The following NSD3 variants were observed in gnomAD, a reference collection of about 807,000 sequenced individuals.
NSD3 encodes the protein nuclear receptor binding SET domain protein 3, also known as histone-lysine N-methyltransferase NSD3.
NSD3 carries 24 observed loss-of-function variants against 160.8 expected under a neutral mutation model. The ratio of observed to expected loss-of-function variants is 0.15; its 90% CI spans 0.11 to 0.21. The LOEUF is 0.21. Among genes scored for constraint, NSD3 ranks in the 10% least tolerant of loss-of-function variants. The pLI, the probability that NSD3 is intolerant of heterozygous loss-of-function variation, is 1.00. For synonymous variants in NSD3, 520 were observed against 600.0 expected (o/e 0.87, Z 1.95); for missense variants, 1,157 against 1,735.9 (o/e 0.67, Z 5.93).
At position 38,269,904 on chromosome 8, in the gene NSD3, C is replaced by A. The variant is rs1244038593; in HGVS notation, c.*5737G>T. 2 of 152,144 alleles carry A rather than the reference C, an allele frequency of 1.3e-5. No homozygotes were observed. Among genetic ancestry groups the A allele is most frequent in the East Asian group, 3.9e-4 (2 of 5,192 alleles). The allele number at this position is 152,144 out of a possible 1,614,324, so 9.4% of individuals were successfully genotyped here. ...TATATGTTCCTACCAGCACACACATCAGTAAAGAAGCTTAAATATTACAGG... is the reference window on the plus strand; with the variant it reads ...TATATGTTCCTACCAGCACACACATAAGTAAAGAAGCTTAAATATTACAGG... On this transcript the variant is annotated 3_prime_UTR_variant, in exon 24 of 24. Transcript: ENST00000317025.
intron 12 of NSD3, 113 bp from the exon 13 acceptor site, chr8:38,305,558 TAAGAA>T: frequency 1.1e-6 from 1 of 908,570 alleles, no homozygotes; most frequent in Non-Finnish European, 1.6e-6. Flanking sequence ...TTACTATACT[TAAGAA>T]TTTAATGCAC....
rs775126556 is a variant in NSD3, at chr8:38,314,705, C to A, written c.2184G>T (p.Glu728Asp). Residue 728 changes from glutamate (E) to aspartate (D), a missense_variant, in exon 12 of 24, where the codon GAG becomes GAT. This residue lies in a region of NSD3 where 437 missense variants were observed against 576.6 expected (regional missense o/e 0.76). Coordinates refer to ENST00000317025, the MANE Select transcript of NSD3 (RefSeq NM_023034.2). ...CAGGAAGTGATGCCAATCCCAGGCA[C>A]TCCAGGTGAAAGTGTTTGCAGCACT... ...EGECCKHFHLECLGLASLPDS... is the reference protein window; with the variant it reads ...EGECCKHFHLDCLGLASLPDS... 1 of 1,614,234 alleles carries A rather than the reference C, an allele frequency of 6.2e-7. No individual in the cohort carries two copies. Among genetic ancestry groups the A allele is most frequent in the South Asian group, 1.1e-5 (1 of 91,084 alleles).
In NSD3 at chr8:38,317,649, T is replaced by C. The variant is rs1303674075; in HGVS notation, c.1855+1246A>G. On this transcript the variant is annotated intron_variant, in intron 9 of 23. Coordinates refer to ENST00000317025, the MANE Select transcript of NSD3 (RefSeq NM_023034.2). This position sits in a 1 kb window ranked among gnomAD's most constrained non-coding sequence, Gnocchi z 5.3. ...CTGCAGATGTGCATTAATGATGCTT[T>C]ATTTAAAAACAAAAAACCAAAAACA... 1 of 1,201,368 alleles carries C rather than the reference T, an allele frequency of 8.3e-7. No homozygotes were observed. Among genetic ancestry groups the C allele is most frequent in the Non-Finnish European group, 1.0e-6 (1 of 961,746 alleles). 74.4% of individuals were successfully genotyped at this position (1,201,368 alleles called of 1,614,324 possible).
At chr8:38,279,977 A>G (rs1808694920) in intron 20 of NSD3, 2 of 255,712 alleles carry the variant, frequency 7.8e-6, no homozygotes, top group Non-Finnish European at 1.5e-5. Context: ...GAGGTTTAGG[A>G]ATGGTATTTT....
In NSD3 at chr8:38,319,203, T is replaced by G; in HGVS notation, c.1810-263A>C. The G allele has an allele frequency of 2.6e-6, 1 of 379,462 alleles. No individual in the cohort carries two copies. Among genetic ancestry groups the G allele is most frequent in the South Asian group, 5.3e-5 (1 of 19,038 alleles). The allele number at this position is 379,462 out of a possible 1,614,324, so 23.5% of individuals were successfully genotyped here. On this transcript the variant is annotated intron_variant, in intron 8 of 23. Transcript: ENST00000317025. The surrounding 1 kb of genome is among the most constrained non-coding windows in gnomAD (Gnocchi z 4.1). ...GACTTTTCCCACCATTCCCTTGGTA[T>G]ATGAAGAGAACAAGAATACTTTCCT...
At chr8:38,277,425 G>A (rs867184381) in intron 22 of NSD3, among the ~76,000 whole-genome samples, 3 of 152,040 alleles carry the variant, frequency 2.0e-5, no homozygotes, top group East Asian at 3.9e-4. Flanking sequence ...TTACAGGTGC[G>A]TGCCACCACG....
intron 1 of NSD3, among the ~76,000 whole-genome samples, chr8:38,369,652 T>TAAA (rs1298640092): frequency 6.6e-6 from 1 of 152,220 alleles, no homozygotes; most frequent in Non-Finnish European, 1.5e-5. Context: ...TGAATCCCTG[T>TAAA]AACTCCAAGA....
intron 14 of NSD3, among the ~76,000 whole-genome samples, chr8:38,300,107 G>A (rs1437483180): frequency 2.6e-5 from 4 of 151,786 alleles, no homozygotes; most frequent in African/African-American, 9.7e-5. Context: ...AACTTTCTCT[G>A]CCAGATAATG....
intron 1 of NSD3, among the ~76,000 whole-genome samples, chr8:38,363,233 T>C (rs1182413682): frequency 6.6e-6 from 1 of 152,204 alleles, no homozygotes; most frequent in African/African-American, 2.4e-5. Context: ...AATGCTGCAA[T>C]GGAGAGATTA....
Position 38,318,805 on chromosome 8 carries a change from GAGAC to G in NSD3, c.1855+86_1855+89del. The G allele has an allele frequency of 1.6e-6, 2 of 1,278,768 alleles. No homozygotes were observed. The highest frequency in any genetic ancestry group is 2.3e-6 in the Non-Finnish European group (2 of 886,390). 79.2% of individuals were successfully genotyped at this position (1,278,768 alleles called of 1,614,324 possible). ...CACTGAAGAGCAACAACGATTTACA[GAGAC>G]AGACAAAAATACATGAAGTACAAAT... On this transcript the variant is annotated intron_variant, in intron 9 of 23. Transcript: ENST00000317025. This position sits in a 1 kb window ranked among gnomAD's most constrained non-coding sequence, Gnocchi z 5.3.
Position 38,319,071 on chromosome 8 carries a change from C to T in NSD3, c.1810-131G>A. The T allele has an allele frequency of 2.4e-6, 2 of 834,758 alleles. No individual in the cohort carries two copies. The highest frequency in any genetic ancestry group is 3.6e-5 in the South Asian group (2 of 56,102). The allele number at this position is 834,758 out of a possible 1,614,324, so 51.7% of individuals were successfully genotyped here. ...ATGTATCTGAAATCTGAACTCAGTC[C>T]CATCTTTTGGGTAAAGTTCTCTGTC... is the stretch of plus-strand genomic sequence containing the variant. On this transcript the variant is annotated intron_variant, in intron 8 of 23. Transcript: ENST00000317025. The surrounding 1 kb of genome is among the most constrained non-coding windows in gnomAD (Gnocchi z 4.1).
At chr8:38,324,273 A>T (rs1028686636) in intron 7 of NSD3, among the ~76,000 whole-genome samples, 2 of 152,132 alleles carry the variant, frequency 1.3e-5, no homozygotes, top group Admixed American at 6.5e-5. Flanking sequence ...TCCCAATTCC[A>T]TATTGAAAAA....
chr8:38,291,382 A>T (rs1258485778), intron 16 of NSD3, among the ~76,000 whole-genome samples: 1 of 152,232 alleles, frequency 6.6e-6, no homozygotes, highest in Non-Finnish European at 1.5e-5. Flanking sequence ...GATGAAGCTA[A>T]CAGTCAGAAA....
In NSD3 at chr8:38,295,832, T is replaced by C. The variant is rs1437165800; in HGVS notation, c.2879A>G (p.Tyr960Cys). Residue 960 changes from tyrosine (Y) to cysteine (C), a missense_variant, in exon 16 of 24, where the codon TAC becomes TGC. Physicochemically the swap from Tyr to Cys is radical, Grantham distance 194. Coordinates refer to ENST00000317025, the MANE Select transcript of NSD3 (RefSeq NM_023034.2). ...NDCKAGKKLH[Y>C]KQIVWVKLGN... ...CAATTTGACCCAAACAATCTGCTTG[T>C]AATGTAGTTTCTTGCCAGCTTTACA... 6.2e-6 allele frequency: 10 copies of C among 1,613,654 alleles called. No homozygotes were observed. The highest frequency in any genetic ancestry group is 8.5e-6 in the Non-Finnish European group (10 of 1,179,946).
Position 38,315,562 on chromosome 8 carries a change from C to A in NSD3, c.1987-18G>T. Reference sequence around the variant, plus strand: ...AAGCCTACCTACATAGAAAACATAGCATTTTTAAGAAAAACAAAATGAAAA... The same window carrying A: ...AAGCCTACCTACATAGAAAACATAGAATTTTTAAGAAAAACAAAATGAAAA... On this transcript the variant is annotated intron_variant, in intron 10 of 23. Transcript: ENST00000317025. The A allele has an allele frequency of 6.2e-7, 1 of 1,610,904 alleles. No individual in the cohort carries two copies. Among genetic ancestry groups the A allele is most frequent in the Non-Finnish European group, 8.5e-7 (1 of 1,179,158 alleles).
chr8:38,360,870 A>C (rs758054015), intron 1 of NSD3, among the ~76,000 whole-genome samples: 1 of 152,252 alleles, frequency 6.6e-6, no homozygotes, highest in African/African-American at 2.4e-5. Context: ...AACAACATGC[A>C]TCCAAAACAA....
Position 38,329,890 on chromosome 8 carries a change from G to A in NSD3, c.1069C>T (p.Arg357Trp), listed in dbSNP as rs1243215593. The A allele has an allele frequency of 2.6e-6, 4 of 1,568,352 alleles. No individual in the cohort carries two copies. The highest frequency in any genetic ancestry group is 3.4e-6 in the Non-Finnish European group (4 of 1,162,998). The change falls in exon 6 of 24, where the codon CGG becomes TGG. Residue 357 changes from arginine (R) to tryptophan (W), a missense_variant. Physicochemically the swap from Arg to Trp is moderately radical, Grantham distance 101. This residue lies in a region of NSD3 where 168 missense variants were observed against 208.1 expected (regional missense o/e 0.81). Transcript: ENST00000317025. The surrounding 1 kb of genome is among the most constrained non-coding windows in gnomAD (Gnocchi z 4.8). The stretch of plus-strand genomic sequence containing the variant: ...CGTTCTCTCTGAGGTCGGGGTTTCC[G>A]AATCTTTAAAAAAGATAGAGATTAT... ...ASNHSEKQKIRKPRPQRERAQ... is the reference protein window; with the variant it reads ...ASNHSEKQKIWKPRPQRERAQ...
intron 2 of NSD3, among the ~76,000 whole-genome samples, chr8:38,346,361 G>GTATATATGTA (rs1049999323): frequency 6.8e-6 from 1 of 146,554 alleles, no homozygotes; most frequent in Non-Finnish European, 1.5e-5. Context: ...TATAGTATAT[G>GTATATATGTA]TATATATGTA....
chr8:38,368,186 C>T (rs1269757590), intron 1 of NSD3, among the ~76,000 whole-genome samples: 1 of 152,192 alleles, frequency 6.6e-6, no homozygotes, highest in African/African-American at 2.4e-5. Context: ...TCTCGAACTC[C>T]TGACCTCAGG....
Sources: gnomAD v4.1 joint callset for allele counts (sites outside exome capture counted in the v4.1 genomes callset) on GRCh38, gnomAD v4.1.1 for gene constraint, gnomAD v4.1.1 regional missense constraint, Gnocchi (gnomAD v3.1) non-coding constraint, MANE v1.5 for transcripts, NCBI Gene and HGNC (gene_info 2026-07-23, HGNC 2026-07-21) for gene names.